THBS4: variants seen among roughly 807,000 people sequenced by gnomAD.
THBS4 encodes thrombospondin-4.
A neutral mutation model predicts 115.7 loss-of-function variants in THBS4; 90 were observed. That is an observed-to-expected ratio of 0.78 (90% CI 0.66 to 0.93). THBS4 has a LOEUF of 0.93. Ranked by LOEUF, THBS4 falls within the 40% of genes least tolerant of loss-of-function variation. The pLI, the probability that THBS4 is intolerant of heterozygous loss-of-function variation, is 0.00. For synonymous variants in THBS4, 460 were observed against 479.3 expected (o/e 0.96, Z 0.53); for missense variants, 1,087 against 1,232.7 (o/e 0.88, Z 1.77).
In THBS4 at chr5:80,068,098, A is replaced by G. The variant is rs1833901156; in HGVS notation, c.1320A>G (p.Glu440=). 1 of 1,614,054 alleles carries G rather than the reference A, an allele frequency of 6.2e-7. No homozygotes were observed. Among genetic ancestry groups the G allele is most frequent in the Admixed American group, 1.7e-5 (1 of 59,990 alleles). The change falls in exon 10 of 22, where the codon GAA becomes GAG. Residue 440 remains glutamate (E), a synonymous_variant. Transcript: ENST00000350881. ...GCAGTGTGAATGCCCAGTGCATTGA[A>G]GAGAGGCAGGGGGATGTGACATGTG... is the stretch of plus-strand genomic sequence containing the variant. ...NPCSVNAQCI[E]ERQGDVTCVC...
At chr5:80,052,926 A>C (rs1426373736) in intron 2 of THBS4, 1 of 152,234 alleles carries the variant, frequency 6.6e-6, no homozygotes, top group African/African-American at 2.4e-5. Flanking sequence ...GGTCCAAGTT[A>C]CTTGCCACAG....
intron 14 of THBS4, chr5:80,072,614 G>A (rs1424371766): frequency 1.8e-6 from 1 of 547,826 alleles, no homozygotes; most frequent in Admixed American, 3.0e-5. Flanking sequence ...GCTGTCGATT[G>A]CCTGTGAGGT....
At chr5:80,021,184 C>T (rs1195980690) in intron 2 of THBS4, among the ~76,000 whole-genome samples, 3 of 152,046 alleles carry the variant, frequency 2.0e-5, no homozygotes, top group African/African-American at 7.2e-5. Flanking sequence ...CCTGGGGGTA[C>T]CTGAGACCAT....
intron 1 of THBS4, among the ~76,000 whole-genome samples, chr5:79,993,269 C>T (rs763860968): frequency 2.0e-5 from 3 of 152,178 alleles, no homozygotes; most frequent in Non-Finnish European, 4.4e-5. Context: ...TTTATTAGTG[C>T]ATAGATAATA....
At chr5:80,017,129 C>A (rs1580913614) in intron 2 of THBS4, among the ~76,000 whole-genome samples, 1 of 152,254 alleles carries the variant, frequency 6.6e-6, no homozygotes, top group Non-Finnish European at 1.5e-5. Context: ...CTAGTTCCTA[C>A]ATAATTATTA....
At chr5:79,999,088 C>T (rs1831851110) in intron 2 of THBS4, among the ~76,000 whole-genome samples, 1 of 152,116 alleles carries the variant, frequency 6.6e-6, no homozygotes, top group African/African-American at 2.4e-5. Context: ...ACAAACAATC[C>T]AGCATTCTCT....
chr5:80,026,019 A>G (rs761119701), intron 2 of THBS4, among the ~76,000 whole-genome samples: 4 of 152,226 alleles, frequency 2.6e-5, no homozygotes, highest in Non-Finnish European at 5.9e-5. Flanking sequence ...TTTTTAACTG[A>G]CATGCATGAT....
At chr5:80,002,408 C>G (rs1160509527) in intron 2 of THBS4, among the ~76,000 whole-genome samples, 2 of 152,096 alleles carry the variant, frequency 1.3e-5, no homozygotes, top group East Asian at 3.9e-4. Context: ...GGATGACTCT[C>G]CTGCCCCTAA....
At chr5:80,039,228 AT>A (rs1480719221) in intron 1 of THBS4, among the ~76,000 whole-genome samples, 1 of 152,188 alleles carries the variant, frequency 6.6e-6, no homozygotes, top group Admixed American at 6.5e-5. Flanking sequence ...TTCAAATGAT[AT>A]TTGCGTCTGC....
intron 16 of THBS4, 110 bp downstream of exon 16, chr5:80,077,158 C>T: frequency 1.9e-6 from 2 of 1,069,076 alleles, no homozygotes; most frequent in Non-Finnish European, 2.7e-6. Flanking sequence ...CAGCTCCCAT[C>T]AGCTGCTTCT....
chr5:79,998,757 T>C (rs967633759), intron 2 of THBS4, among the ~76,000 whole-genome samples: 2 of 152,212 alleles, frequency 1.3e-5, no homozygotes, highest in Admixed American at 1.3e-4. Context: ...TGTAATGGCA[T>C]GTGATGCAAA....
At chr5:80,078,759 G>C (rs1743343344) in intron 17 of THBS4, 162 bp from the exon 18 acceptor site, 2 of 576,604 alleles carry the variant, frequency 3.5e-6, no homozygotes, top group South Asian at 4.0e-5. Flanking sequence ...TGCTTTCTTT[G>C]AGCACATAAC....
chr5:79,996,001 G>T (rs1216086836), intron 1 of THBS4, among the ~76,000 whole-genome samples: 1 of 151,948 alleles, frequency 6.6e-6, no homozygotes, highest in Non-Finnish European at 1.5e-5. Flanking sequence ...GCTGGATGTG[G>T]TGGCGCACAC....
At chr5:80,080,258 T>G (rs1380846867) in intron 20 of THBS4, 181 bp downstream of exon 20, 4 of 714,932 alleles carry the variant, frequency 5.6e-6, no homozygotes, top group Non-Finnish European at 9.1e-6. Context: ...ATATTCAGGG[T>G]CAGACCACCC....
At chr5:80,019,415 A>C (rs557998028) in intron 2 of THBS4, among the ~76,000 whole-genome samples, 1 of 152,350 alleles carries the variant, frequency 6.6e-6, no homozygotes, top group African/African-American at 2.4e-5. Flanking sequence ...GAGTCACTTA[A>C]GAAAATTAGA....
rs1253816694 is a variant in THBS4, at chr5:80,079,103, C to T, written c.2356C>T (p.His786Tyr). The change falls in exon 19 of 22, where the codon CAT (histidine) becomes TAT (tyrosine). Residue 786 changes from histidine (H) to tyrosine (Y), a missense_variant. This residue lies in a region of THBS4 where 979 missense variants were observed against 1,103.7 expected (regional missense o/e 0.89). Transcript: ENST00000350881. ...TGGAGTTGACTTCGAAGGGACCTTC[C>T]ATGTGAATACCCAGACAGATGATGA... ...FNGVDFEGTFHVNTQTDDDYA... is the reference protein window; with the variant it reads ...FNGVDFEGTFYVNTQTDDDYA... 2 of 1,614,074 alleles carry T rather than the reference C, an allele frequency of 1.2e-6. No individual in the cohort carries two copies.
chr5:80,048,243 G>T (rs1833138137), intron 2 of THBS4, among the ~76,000 whole-genome samples: 1 of 152,236 alleles, frequency 6.6e-6, no homozygotes, highest in Admixed American at 6.5e-5. Context: ...GAAGACAGAG[G>T]AAACAGATAT....
At position 80,055,836 on chromosome 5, in the gene THBS4, A is replaced by G. The variant is rs760093592; in HGVS notation, c.344A>G (p.Asn115Ser). Residue 115 changes from asparagine to serine, a missense_variant, in exon 3 of 22, where the codon AAC (asparagine) becomes AGC (serine). Physicochemically the swap from Asn to Ser is conservative, Grantham distance 46 (BLOSUM62 1). This residue lies in a region of THBS4 where 979 missense variants were observed against 1,103.7 expected (regional missense o/e 0.89). Transcript: ENST00000350881. ...NDGKVHLVVF[N>S]NLQLADGRRH... ...GGGAAGGTGCATTTGGTGGTTTTCA[A>G]CAACCTGCAGCTGGCAGACGGAAGG... 3.7e-6 allele frequency: 6 copies of G among 1,614,014 alleles called. No homozygotes were observed. The African/African-American group carries it at 6.7e-5, about 18-fold the overall frequency.
intron 2 of THBS4, among the ~76,000 whole-genome samples, chr5:80,014,676 T>C (rs2434319): frequency 0.25 from 38,777 of 152,130 alleles, 5,639 homozygotes; most frequent in African/African-American, 0.4. Flanking sequence ...ATTTGGGGTA[T>C]GAGGAATGTG....
Sources: gnomAD v4.1 joint callset for allele counts (sites outside exome capture counted in the v4.1 genomes callset) on GRCh38, gnomAD v4.1.1 for gene constraint, gnomAD v4.1.1 regional missense constraint, MANE v1.5 for transcripts, NCBI Gene and HGNC (gene_info 2026-07-23, HGNC 2026-07-21) for gene names.